The following LTA4H variants were observed in gnomAD, a reference collection of about 807,000 sequenced individuals.
LTA4H encodes the protein leukotriene A-4 hydrolase.
In LTA4H, 59 loss-of-function variants were observed where a neutral mutation model predicts 89.8. That is an observed-to-expected ratio of 0.66 (90% CI 0.53 to 0.82). LTA4H has a LOEUF of 0.82. Ranked by LOEUF, LTA4H falls within the 40% of genes least tolerant of loss-of-function variation. The probability of loss-of-function intolerance (pLI) is 0.00; values close to 1 mark genes in which losing one functional copy is unlikely to be tolerated. For synonymous variants in LTA4H, 227 were observed against 253.1 expected, an observed-to-expected ratio of 0.90 and a Z score of 0.98; for missense variants, 617 against 727.0, an observed-to-expected ratio of 0.85 and a Z score of 1.74.
intron 18 of LTA4H, 48 bp from the exon 19 acceptor site, chr12:96,001,154 AGAG>A (rs1349579060): frequency 8.4e-7 from 1 of 1,183,622 alleles, no homozygotes; most frequent in Non-Finnish European, 1.3e-6. Context: ...AGAAGGAGAC[AGAG>A]GAGGAGAAAG....
At chr12:96,035,720 G>A, upstream of LTA4H, 1 of 1,352,406 alleles carries the variant, frequency 7.4e-7, no homozygotes, top group Non-Finnish European at 9.6e-7. Flanking sequence ...GGTGCCGCGC[G>A]GCAAGCGGGC....
At position 96,035,494 on chromosome 12, in the gene LTA4H, G is replaced by C. The variant is rs1354515959; in HGVS notation, c.26C>G (p.Ser9Trp). ...GCAGACGGAAGCCGGAGAGGCCAAC[G>C]AACAGGTATCCACTATCTCGGGCAT... is the stretch of plus-strand genomic sequence containing the variant. MPEIVDTC[S>W]LASPASVCRT... Residue 9 changes from serine (S) to tryptophan (W), a missense_variant, in exon 1 of 19, where the codon TCG becomes TGG. Coordinates refer to ENST00000228740, the MANE Select transcript of LTA4H (RefSeq NM_000895.3). 6.2e-7 allele frequency: 1 copy of C among 1,608,000 alleles called. No homozygotes were observed. The highest frequency in any genetic ancestry group is 1.3e-5 in the African/African-American group (1 of 74,846).
At chr12:96,014,501 C>T (rs1195752161) in intron 12 of LTA4H, among the ~76,000 whole-genome samples, 1 of 152,096 alleles carries the variant, frequency 6.6e-6, no homozygotes, top group Admixed American at 6.6e-5. Context: ...GCCATTTACA[C>T]CAAACTGCTA....
intron 13 of LTA4H, 35 bp from the exon 14 acceptor site, chr12:96,013,293 A>C (rs765564467): frequency 6.8e-7 from 1 of 1,477,690 alleles, no homozygotes; most frequent in Admixed American, 1.7e-5. Context: ...TTACAATAGA[A>C]TGCCCTTTCC....
In LTA4H at chr12:96,001,094, G is replaced by A. The variant is rs779336106; in HGVS notation, c.1731C>T (p.Ala577=). Residue 577 remains alanine (A), a synonymous_variant, in exon 19 of 19, where the codon GCC becomes GCT. Coordinates refer to ENST00000228740, the MANE Select transcript of LTA4H (RefSeq NM_000895.3). The part of the protein sequence containing the change: ...FTRPLFKDLA[A]FDKSHDQAVR... Reference sequence around the variant, plus strand: ...CAGCTTGATCATGGGATTTGTCAAAGGCAGCAAGATCCCTGCCAAAAAAGA... The same window carrying A: ...CAGCTTGATCATGGGATTTGTCAAAAGCAGCAAGATCCCTGCCAAAAAAGA... The A allele has an allele frequency of 5.8e-5, 93 of 1,612,934 alleles. No homozygotes were observed. The highest frequency in any genetic ancestry group is 7.4e-5 in the Non-Finnish European group (87 of 1,179,310).
upstream of LTA4H, among the ~76,000 whole-genome samples, chr12:96,037,635 C>G (rs1398036770): frequency 6.6e-6 from 1 of 151,062 alleles, no homozygotes; most frequent in Non-Finnish European, 1.5e-5. Flanking sequence ...AGTTGCTTGG[C>G]CAATGTGAGA....
At chr12:96,028,425 A>G (rs1950536122) in intron 2 of LTA4H, among the ~76,000 whole-genome samples, 1 of 152,178 alleles carries the variant, frequency 6.6e-6, no homozygotes, top group Non-Finnish European at 1.5e-5. Context: ...CAACTGGGGT[A>G]GATCACCCTT....
Position 96,018,829 on chromosome 12 carries a change from C to T in LTA4H, c.786G>A (p.Leu262=). The T allele has an allele frequency of 6.2e-7, 1 of 1,605,846 alleles. No individual in the cohort carries two copies. Among genetic ancestry groups the T allele is most frequent in the Non-Finnish European group, 8.5e-7 (1 of 1,177,294 alleles). Residue 262 remains leucine (L), a synonymous_variant, in exon 8 of 19, where the codon CTG becomes CTA. Transcript: ENST00000228740. ...TGCCACCATAAGGGAAGGATGGTGG[C>T]AGGACCAATAGGTCATACTGTCCCC... The part of the protein sequence containing the change: ...YVWGQYDLLV[L]PPSFPYGGME...
At chr12:96,033,502 T>G (rs1255463799) in intron 1 of LTA4H, among the ~76,000 whole-genome samples, 1 of 152,228 alleles carries the variant, frequency 6.6e-6, no homozygotes, top group East Asian at 1.9e-4. Flanking sequence ...CTCTAGTACT[T>G]TTGAATGTAG....
At chr12:96,031,434 T>C (rs939912706) in intron 1 of LTA4H, among the ~76,000 whole-genome samples, 1 of 152,194 alleles carries the variant, frequency 6.6e-6, no homozygotes, top group Non-Finnish European at 1.5e-5. Context: ...ATGTTATTTT[T>C]AAAAAATAGT....
At chr12:96,009,520 T>C in intron 14 of LTA4H, 1 of 188,886 alleles carries the variant, frequency 5.3e-6, no homozygotes, top group Non-Finnish European at 1.1e-5. Flanking sequence ...CAACATCAAG[T>C]CCTTGCTGTC....
chr12:96,008,291 G>C (rs763208682), intron 15 of LTA4H, among the ~76,000 whole-genome samples: 5 of 152,080 alleles, frequency 3.3e-5, no homozygotes, highest in Non-Finnish European at 5.9e-5. Context: ...GAATTATCAA[G>C]GGCTCATCCT....
At chr12:96,036,014 G>A (rs1210861925), upstream of LTA4H, among the ~76,000 whole-genome samples, 8 of 152,314 alleles carry the variant, frequency 5.3e-5, no homozygotes, top group East Asian at 9.6e-4. Context: ...GCTTTCTTTC[G>A]TGCGGTTCCT....
intron 16 of LTA4H, among the ~76,000 whole-genome samples, chr12:96,005,068 A>G (rs1227261041): frequency 6.6e-6 from 1 of 152,038 alleles, no homozygotes; most frequent in African/African-American, 2.4e-5. Context: ...AGGTCCTTAG[A>G]CTGAAGACTT....
upstream of LTA4H, among the ~76,000 whole-genome samples, chr12:96,039,298 A>C (rs1227403492): frequency 6.6e-6 from 1 of 152,198 alleles, no homozygotes; most frequent in African/African-American, 2.4e-5. Flanking sequence ...AGATGAAAAG[A>C]TGATCTATAT....
intron 3 of LTA4H, among the ~76,000 whole-genome samples, chr12:96,026,755 C>T (rs1052725418): frequency 1.3e-5 from 2 of 151,976 alleles, no homozygotes; most frequent in Non-Finnish European, 2.9e-5. Flanking sequence ...ATAGAGCAAA[C>T]GTTTAATGAA....
chr12:96,007,436 A>G (rs1413815899), intron 15 of LTA4H, among the ~76,000 whole-genome samples: 1 of 152,186 alleles, frequency 6.6e-6, no homozygotes, highest in Non-Finnish European at 1.5e-5. Flanking sequence ...GTCAGCAAGG[A>G]GGGTGGAGAG....
intron 3 of LTA4H, among the ~76,000 whole-genome samples, chr12:96,025,827 C>CA (rs63528861): frequency 0.044 from 5,132 of 116,000 alleles, 269 homozygotes; most frequent in African/African-American, 0.14. Context: ...ACCCTGTCTC[C>CA]AAAAAAAAAA....
At chr12:96,029,290 C>A in intron 1 of LTA4H, 105 bp from the exon 2 acceptor site, 2 of 554,690 alleles carry the variant, frequency 3.6e-6, no homozygotes, top group Admixed American at 3.8e-5. Flanking sequence ...GAGTAAAATA[C>A]AGAGTGAAAT....
Sources: gnomAD v4.1 joint callset for allele counts (sites outside exome capture counted in the v4.1 genomes callset) on GRCh38, gnomAD v4.1.1 for gene constraint, MANE v1.5 for transcripts, NCBI Gene and HGNC (gene_info 2026-07-23, HGNC 2026-07-21) for gene names.